DOCK1: variants seen among roughly 807,000 people sequenced by gnomAD.
DOCK1 encodes dedicator of cytokinesis 1, also known as dedicator of cytokinesis protein 1.
A neutral mutation model predicts 262.7 loss-of-function variants in DOCK1; 138 were observed. The observed-to-expected ratio is 0.53, with a 90% CI of 0.46 to 0.61. The LOEUF is 0.61. Among genes scored for constraint, DOCK1 ranks in the 20% least tolerant of loss-of-function variants. DOCK1 has a pLI of 0.00. For synonymous variants in DOCK1, 866 were observed against 867.4 expected, an observed-to-expected ratio of 1.00 and a Z score of 0.03; for missense variants, 1,908 against 2,370.7, an observed-to-expected ratio of 0.80 and a Z score of 4.05.
At position 127,136,951 on chromosome 10, in the gene DOCK1, G is replaced by A. The variant is rs191269119; in HGVS notation, c.2847+9187G>A. The A allele has an allele frequency of 2.7e-3, 408 of 152,728 alleles. 1 individual carries two copies. The highest frequency in any genetic ancestry group is 4.0e-3 in the Non-Finnish European group (271 of 68,034). 9.5% of individuals were successfully genotyped at this position (152,728 alleles called of 1,614,324 possible). ...CTGTCTGCCATGGCACAGAATGCCT[G>A]TGATTTATTGGTGGGTGGATTATCC... On this transcript the variant is annotated intron_variant, in intron 27 of 51. Transcript: ENST00000623213.
chr10:127,318,383 C>G (rs1044512966), intron 29 of DOCK1, among the ~76,000 whole-genome samples: 1 of 152,146 alleles, frequency 6.6e-6, no homozygotes, highest in Non-Finnish European at 1.5e-5. Context: ...GAGAGGCACA[C>G]GGTTCTCTAA....
intron 25 of DOCK1, among the ~76,000 whole-genome samples, chr10:127,114,927 T>G (rs1592083156): frequency 1.3e-5 from 2 of 152,168 alleles, no homozygotes; most frequent in Admixed American, 1.3e-4. Flanking sequence ...CAGCTAATTT[T>G]TGTATTTTCA....
intron 1 of DOCK1, among the ~76,000 whole-genome samples, 172 bp from the exon 2 acceptor site, chr10:126,970,530 A>G (rs2038022777): frequency 6.6e-6 from 1 of 152,166 alleles, no homozygotes; most frequent in African/African-American, 2.4e-5. Flanking sequence ...TTGACCCTTT[A>G]TATTTGTCTG....
chr10:127,052,449 G>A (rs181048872), intron 21 of DOCK1, among the ~76,000 whole-genome samples: 156 of 151,780 alleles, frequency 1.0e-3, no homozygotes, highest in African/African-American at 3.5e-3. Context: ...ACTTGAGCCC[G>A]GAAGGCAGAG....
intron 27 of DOCK1, among the ~76,000 whole-genome samples, chr10:127,225,402 C>A (rs1278280876): frequency 1.3e-5 from 2 of 152,220 alleles, no homozygotes; most frequent in African/African-American, 4.8e-5. Flanking sequence ...ACCTGGCTTG[C>A]GAGCCTTGAT....
At chr10:127,233,121 A>G (rs61874059) in intron 27 of DOCK1, among the ~76,000 whole-genome samples, 4,084 of 152,288 alleles carry the variant, frequency 0.027, 68 homozygotes, top group Middle Eastern at 0.041. Flanking sequence ...GTGAAAAAAT[A>G]TCATTAAAAT....
At chr10:127,051,920 C>T (rs966893328) in intron 21 of DOCK1, among the ~76,000 whole-genome samples, 1 of 152,102 alleles carries the variant, frequency 6.6e-6, no homozygotes. Context: ...TTGAGAAAAT[C>T]GTCACCACTA....
chr10:127,106,095 T>C (rs2048513408), intron 23 of DOCK1, 136 bp from the exon 24 acceptor site: 6 of 858,444 alleles, frequency 7.0e-6, no homozygotes, highest in Non-Finnish European at 1.1e-5. Flanking sequence ...TTTCATCGTG[T>C]TAGCCGTCAG....
intron 48 of DOCK1, among the ~76,000 whole-genome samples, chr10:127,435,832 T>G (rs2069648943): frequency 6.6e-6 from 1 of 152,190 alleles, no homozygotes; most frequent in Admixed American, 6.5e-5. Context: ...AAAATGAGGC[T>G]TTGGTCTCAA....
chr10:127,102,099 T>A (rs749973754), intron 23 of DOCK1, among the ~76,000 whole-genome samples: 1 of 152,284 alleles, frequency 6.6e-6, no homozygotes, highest in Non-Finnish European at 1.5e-5. Context: ...AACAACAGCA[T>A]GGATCGTTCT....
intron 29 of DOCK1, among the ~76,000 whole-genome samples, chr10:127,321,920 T>C (rs2062549373): frequency 6.6e-6 from 1 of 151,928 alleles, no homozygotes; most frequent in Admixed American, 6.6e-5. Flanking sequence ...CTGGTCAACA[T>C]GGTGAAACCC....
chr10:127,393,887 C>A (rs919944925), intron 38 of DOCK1, among the ~76,000 whole-genome samples: 2 of 149,492 alleles, frequency 1.3e-5, no homozygotes, highest in African/African-American at 5.0e-5. Context: ...TCCTCCTTCC[C>A]GAGCTAATAA....
chr10:127,159,662 G>T (rs1055038082), intron 27 of DOCK1, among the ~76,000 whole-genome samples: 4 of 152,162 alleles, frequency 2.6e-5, no homozygotes, highest in African/African-American at 9.7e-5. Flanking sequence ...ACAATTTGGG[G>T]TATACGTGTT....
intron 3 of DOCK1, among the ~76,000 whole-genome samples, chr10:126,981,507 C>T (rs572487422): frequency 3.9e-5 from 6 of 152,312 alleles, no homozygotes; most frequent in South Asian, 2.1e-4. Flanking sequence ...GGTCTGGGTA[C>T]GTGGTCAGTG....
chr10:127,251,317 G>T (rs1173401305), intron 28 of DOCK1, among the ~76,000 whole-genome samples: 4 of 151,936 alleles, frequency 2.6e-5, no homozygotes, highest in Non-Finnish European at 5.9e-5. Context: ...ATTTTGTACA[G>T]AATTATTTGA....
chr10:126,949,838 G>A (rs930596760), intron 1 of DOCK1, among the ~76,000 whole-genome samples: 7 of 151,952 alleles, frequency 4.6e-5, no homozygotes, highest in Non-Finnish European at 7.4e-5. Context: ...GGCTATTTGG[G>A]GAGCACCAAA....
intron 24 of DOCK1, among the ~76,000 whole-genome samples, chr10:127,107,230 AT>A (rs2048585351): frequency 6.6e-6 from 1 of 152,114 alleles, no homozygotes; most frequent in African/African-American, 2.4e-5. Flanking sequence ...TGAAGACACC[AT>A]TTTTTACCGG....
Position 127,106,316 on chromosome 10 carries a change from C to T in DOCK1, c.2516+15C>T, listed in dbSNP as rs755391330. 8.8e-6 allele frequency: 14 copies of T among 1,587,912 alleles called. 1 individual carries two copies. The South Asian group carries it at 1.3e-4, about 14-fold the overall frequency. On this transcript the variant is annotated intron_variant, in intron 24 of 51. Coordinates refer to ENST00000623213, the MANE Select transcript of DOCK1 (RefSeq NM_001290223.2). Reference sequence around the variant, plus strand: ...AAAGAGCTCAGGTAAGTATGCAGCCCAGGCGAATGCTTGTCACGTGCCGTG... The same window carrying T: ...AAAGAGCTCAGGTAAGTATGCAGCCTAGGCGAATGCTTGTCACGTGCCGTG...
chr10:127,236,500 G>GTTTTTTTTTTTT (rs771387854), intron 27 of DOCK1, among the ~76,000 whole-genome samples: 2 of 66,786 alleles, frequency 3.0e-5, no homozygotes, highest in Non-Finnish European at 5.3e-5. Flanking sequence ...CTTGACACGG[G>GTTTTTTTTTTTT]TTTTTTTTTT....
Sources: gnomAD v4.1 joint callset for allele counts (sites outside exome capture counted in the v4.1 genomes callset) on GRCh38, gnomAD v4.1.1 for gene constraint, MANE v1.5 for transcripts, NCBI Gene and HGNC (gene_info 2026-07-23, HGNC 2026-07-21) for gene names.